The following ALPK1 variants were observed in gnomAD, a reference collection of about 807,000 sequenced individuals.
The protein encoded by ALPK1 is alpha kinase 1, also known as alpha-protein kinase 1.
ALPK1 carries 110 observed loss-of-function variants against 120.6 expected under a neutral mutation model. The ratio of observed to expected loss-of-function variants is 0.91; its 90% CI spans 0.78 to 1.07. The LOEUF (loss-of-function observed/expected upper bound fraction) is 1.07. ALPK1 is among the 50% of genes least tolerant of loss of function. ALPK1 has a pLI of 0.00. For missense variants in ALPK1, 1,498 were observed against 1,483.9 expected, an observed-to-expected ratio of 1.01 and a Z score of -0.16; for synonymous variants, 582 against 560.3, an observed-to-expected ratio of 1.04 and a Z score of -0.55.
At position 112,431,380 on chromosome 4, in the gene ALPK1, T is replaced by A; in HGVS notation, c.1833T>A (p.Pro611=). The A allele has an allele frequency of 6.2e-7, 1 of 1,614,206 alleles. No individual in the cohort carries two copies. The highest frequency in any genetic ancestry group is 8.5e-7 in the Non-Finnish European group (1 of 1,180,038). The change falls in exon 11 of 16, where the codon CCT becomes CCA. Residue 611 remains proline, a synonymous_variant. Coordinates refer to ENST00000650871, the MANE Select transcript of ALPK1 (RefSeq NM_025144.4). ...ACGACAGGTCAGCCAGAAAAGAGCC[T>A]GGCAAAGAACATCTGGTGGACACTC... is the stretch of plus-strand genomic sequence containing the variant. ...HVDDRSARKE[P]GKEHLVDTQC...
intron 1 of ALPK1, among the ~76,000 whole-genome samples, chr4:112,298,267 G>GTC (rs139030128): frequency 1.3e-5 from 2 of 150,918 alleles, no homozygotes; most frequent in African/African-American, 2.4e-5. Flanking sequence ...CTCTCTCTCT[G>GTC]TCTCTCTCTC....
intron 2 of ALPK1, among the ~76,000 whole-genome samples, chr4:112,331,521 A>G (rs149596560): frequency 6.6e-6 from 1 of 152,344 alleles, no homozygotes; most frequent in African/African-American, 2.4e-5. Context: ...AATTTGAGGT[A>G]CCACTCAAAG....
chr4:112,329,979 A>G (rs1332656563), intron 2 of ALPK1, among the ~76,000 whole-genome samples: 1 of 152,268 alleles, frequency 6.6e-6, no homozygotes, highest in Admixed American at 6.5e-5. Context: ...ACTTAAGTAC[A>G]TATGAAAAGG....
intron 11 of ALPK1, among the ~76,000 whole-genome samples, chr4:112,434,358 G>C (rs534377788): frequency 7.9e-5 from 12 of 152,232 alleles, no homozygotes; most frequent in Admixed American, 2.0e-4. Flanking sequence ...GGCATCCCCT[G>C]CCCAGAACTG....
intron 4 of ALPK1, among the ~76,000 whole-genome samples, chr4:112,392,860 C>A (rs1369756635): frequency 3.3e-5 from 5 of 152,174 alleles, no homozygotes; most frequent in African/African-American, 1.2e-4. Flanking sequence ...CAACTCCTCT[C>A]CCTAACTCTA....
intron 2 of ALPK1, chr4:112,357,998 A>G: frequency 1.5e-6 from 1 of 659,442 alleles, no homozygotes. Flanking sequence ...CCGGGGAAAC[A>G]CTAGCGAGGG....
At chr4:112,364,626 T>G (rs918760326) in intron 2 of ALPK1, among the ~76,000 whole-genome samples, 1 of 152,074 alleles carries the variant, frequency 6.6e-6, no homozygotes, top group East Asian at 1.9e-4. Context: ...CTATCAGACA[T>G]GCAAAGAAGA....
intron 1 of ALPK1, among the ~76,000 whole-genome samples, chr4:112,305,964 G>A (rs959419922): frequency 6.6e-6 from 1 of 152,106 alleles, no homozygotes; most frequent in African/African-American, 2.4e-5. Context: ...ATGAAGGGCT[G>A]TTGACTTTTG....
rs540231741 is a variant in ALPK1 at position 112,372,361 on chromosome 4, A to C, written c.-100-5317A>C. Among the ~76,000 whole-genome samples, 19 of 151,918 alleles carry C rather than the reference A, an allele frequency of 1.3e-4. No homozygotes were observed. The South Asian group carries it at 2.9e-3, about 23-fold the overall frequency. The stretch of plus-strand genomic sequence containing the variant: ...CCCAATAGCTGTGACTACAGGCGCC[A>C]GCCACCACACCCGGCTAATTTTTTG... On this transcript the variant is annotated intron_variant, in intron 2 of 15. Coordinates refer to ENST00000650871, the MANE Select transcript of ALPK1 (RefSeq NM_025144.4).
chr4:112,405,575 TTTTG>T (rs200328639), intron 4 of ALPK1, among the ~76,000 whole-genome samples: 181 of 152,146 alleles, frequency 1.2e-3, no homozygotes, highest in African/African-American at 3.8e-3. Flanking sequence ...GACCCAACTT[TTTTG>T]TTTGTTTGTT....
In ALPK1 at chr4:112,432,347, T is replaced by C; in HGVS notation, c.2800T>C (p.Ser934Pro). ...CTCATCCTCAGTGTGGTGGCTGAAA[T>C]CACCTGCATTTTCCAGTGGTTCTTC... ...SSSSSVWWLK[S>P]PAFSSGSSEG... is the part of the protein sequence containing the mutation. The change falls in exon 11 of 16, where the codon TCA (serine) becomes CCA (proline). Residue 934 changes from serine to proline, a missense_variant. Ser to Pro is a moderately conservative substitution (Grantham distance 74). Transcript: ENST00000650871. 1.2e-6 allele frequency: 2 copies of C among 1,614,138 alleles called. No individual in the cohort carries two copies. Among genetic ancestry groups the C allele is most frequent in the African/African-American group, 1.3e-5 (1 of 75,030 alleles).
intron 1 of ALPK1, among the ~76,000 whole-genome samples, chr4:112,305,765 G>T (rs890166326): frequency 2.0e-5 from 3 of 151,990 alleles, no homozygotes; most frequent in Non-Finnish European, 4.4e-5. Flanking sequence ...GACTGCCCTG[G>T]CCAGAACTTC....
In ALPK1 at chr4:112,411,583, A is replaced by T. The variant is rs938398270; in HGVS notation, c.277-244A>T. ...GAGTTTTTAACAACGGGAAGTATGC[A>T]TTTATCGCTTCTATAATTTTATAAA... On this transcript the variant is annotated intron_variant, in intron 4 of 15. Coordinates refer to ENST00000650871, the MANE Select transcript of ALPK1 (RefSeq NM_025144.4). The T allele has an allele frequency of 9.1e-6, 5 of 550,132 alleles. No individual in the cohort carries two copies. The Admixed American group carries it at 1.5e-4, about 17-fold the overall frequency. The allele number at this position is 550,132 out of a possible 1,614,324, so 34.1% of individuals were successfully genotyped here.
intron 6 of ALPK1, 66 bp downstream of exon 6, chr4:112,424,069 C>A (rs1239959383): frequency 6.8e-7 from 1 of 1,477,102 alleles, no homozygotes; most frequent in Admixed American, 1.7e-5. Context: ...CATTTAATAA[C>A]AACTTAGTGA....
intron 2 of ALPK1, chr4:112,358,680 A>G: frequency 1.4e-6 from 1 of 728,612 alleles, no homozygotes; most frequent in Non-Finnish European, 2.5e-6. Flanking sequence ...TCTCCCATCT[A>G]AGAGGCTGGC....
At chr4:112,331,663 T>C (rs1041617446) in intron 2 of ALPK1, among the ~76,000 whole-genome samples, 3 of 152,238 alleles carry the variant, frequency 2.0e-5, no homozygotes, top group Non-Finnish European at 4.4e-5. Context: ...TTGGACATTT[T>C]CTATCCTGTC....
rs1264626670 is a variant in ALPK1, at chr4:112,425,659, T to C, written c.536-6T>C. 7 of 1,611,462 alleles carry C rather than the reference T, an allele frequency of 4.3e-6. No homozygotes were observed. In the Admixed American group the frequency reaches 8.3e-5, roughly 19 times the overall value. ...AATTCAAGGGAATTTTCATCTTTTC[T>C]TTTAGGTACCTGGCTGTACAGAAAT... On this transcript the variant is annotated splice_polypyrimidine_tract_variant and splice_region_variant and intron_variant, in intron 6 of 15. Coordinates refer to ENST00000650871, the MANE Select transcript of ALPK1 (RefSeq NM_025144.4).
At chr4:112,404,246 A>G (rs1034292325) in intron 4 of ALPK1, among the ~76,000 whole-genome samples, 11 of 152,222 alleles carry the variant, frequency 7.2e-5, no homozygotes, top group Admixed American at 4.6e-4. Flanking sequence ...ACTGAAACTC[A>G]CTTTGGGAGT....
chr4:112,304,430 A>G (rs1727932998), intron 1 of ALPK1, among the ~76,000 whole-genome samples: 3 of 152,038 alleles, frequency 2.0e-5, no homozygotes, highest in African/African-American at 7.3e-5. Context: ...TGACTTTTTA[A>G]TGATTGCCAT....
Sources: allele counts gnomAD v4.1 joint callset (sites outside exome capture counted in the v4.1 genomes callset), GRCh38; gene constraint gnomAD v4.1.1; transcripts MANE v1.5; gene names NCBI Gene and HGNC (gene_info 2026-07-23, HGNC 2026-07-21).